The following HDAC4 variants were observed in gnomAD, a reference collection of about 807,000 sequenced individuals.
HDAC4 encodes the protein histone deacetylase A.
In HDAC4, 16 loss-of-function variants were observed where a neutral mutation model predicts 135.1. The observed-to-expected ratio is 0.12, with a 90% CI of 0.08 to 0.18. The LOEUF (loss-of-function observed/expected upper bound fraction) is 0.18. HDAC4 is among the 10% of genes least tolerant of loss of function. The pLI is 1.00. For synonymous variants in HDAC4, 685 were observed against 653.4 expected, an observed-to-expected ratio of 1.05 and a Z score of -0.74; for missense variants, 1,143 against 1,511.8, an observed-to-expected ratio of 0.76 and a Z score of 4.05.
chr2:239,279,220 G>T (rs1253453252), intron 2 of HDAC4, among the ~76,000 whole-genome samples: 2 of 152,190 alleles, frequency 1.3e-5, no homozygotes, highest in Non-Finnish European at 2.9e-5. Context: ...GGAGACTCTG[G>T]GCTGCTAAGA....
At position 239,061,559 on chromosome 2, in the gene HDAC4, G is replaced by A. The variant is rs1035156899; in HGVS notation, c.3003+5163C>T. On this transcript the variant is annotated intron_variant, in intron 24 of 26. Coordinates refer to ENST00000543185, the MANE Select transcript of HDAC4 (RefSeq NM_001378414.1). Reference sequence around the variant, plus strand: ...GTGGTGTGCATGAGCAAGGATGCACGTGCATGTGAGACTGTGGTGCCTATG... The same window carrying A: ...GTGGTGTGCATGAGCAAGGATGCACATGCATGTGAGACTGTGGTGCCTATG... Among the ~76,000 whole-genome samples the A allele has an allele frequency of 2.6e-5, 4 of 152,040 alleles. No homozygotes were observed. In the South Asian group the frequency reaches 6.2e-4, roughly 24 times the overall value.
intron 2 of HDAC4, among the ~76,000 whole-genome samples, chr2:239,289,205 C>T (rs1441412520): frequency 1.3e-5 from 2 of 152,176 alleles, no homozygotes; most frequent in East Asian, 3.9e-4. Flanking sequence ...CCCTGCACCC[C>T]ACACAAAAAC....
At chr2:239,053,759 C>T (rs2031285777) in intron 25 of HDAC4, among the ~76,000 whole-genome samples, 158 bp from the exon 26 acceptor site, 1 of 152,188 alleles carries the variant, frequency 6.6e-6, no homozygotes, top group African/African-American at 2.4e-5. Flanking sequence ...CAGAAGACTG[C>T]ATGGCTACAA....
chr2:239,282,473 ACAC>A (rs2050842453), intron 2 of HDAC4, among the ~76,000 whole-genome samples: 3 of 150,296 alleles, frequency 2.0e-5, no homozygotes, highest in African/African-American at 2.4e-5. Flanking sequence ...CTCAATGTAC[ACAC>A]CACTCTACAC....
chr2:239,247,381 C>T (rs7573680), intron 2 of HDAC4, among the ~76,000 whole-genome samples: 51,272 of 152,174 alleles, frequency 0.34, 10,285 homozygotes, highest in African/African-American at 0.55. Flanking sequence ...GTGGAATATC[C>T]CCCCTGTCGA....
intron 24 of HDAC4, among the ~76,000 whole-genome samples, chr2:239,064,549 T>TG (rs1284795918): frequency 1.2e-4 from 19 of 152,052 alleles, no homozygotes. Context: ...CCTAGAAAGG[T>TG]GGGGGTCTTG....
At chr2:239,162,096 C>G (rs778937082) in intron 6 of HDAC4, 7 of 456,546 alleles carry the variant, frequency 1.5e-5, no homozygotes, top group Non-Finnish European at 2.6e-5. Flanking sequence ...GGGGGCTGCC[C>G]TGTGCTCACC....
chr2:239,354,664 A>G (rs1199657505), intron 1 of HDAC4, among the ~76,000 whole-genome samples: 1 of 140,718 alleles, frequency 7.1e-6, no homozygotes, highest in Admixed American at 8.0e-5. Flanking sequence ...AAGGCTGGCT[A>G]TCTAGATGCT....
chr2:239,270,973 AC>A (rs1248538049), intron 2 of HDAC4, among the ~76,000 whole-genome samples: 1 of 152,242 alleles, frequency 6.6e-6, no homozygotes, highest in African/African-American at 2.4e-5. Flanking sequence ...CTAATTAGTT[AC>A]AAATCTCTGA....
At position 239,313,515 on chromosome 2, in the gene HDAC4, C is replaced by T. The variant is rs552051233; in HGVS notation, c.22+39163G>A. Among the ~76,000 whole-genome samples the T allele has an allele frequency of 5.3e-5, 8 of 152,230 alleles. No homozygotes were observed. The highest frequency in any genetic ancestry group is 4.2e-4 in the South Asian group (2 of 4,812). On this transcript the variant is annotated intron_variant, in intron 2 of 26. Coordinates refer to ENST00000543185, the MANE Select transcript of HDAC4 (RefSeq NM_001378414.1). The surrounding 1 kb of genome is among the most constrained non-coding windows in gnomAD (Gnocchi z 5.1). ...GCAGGCTGGACTCTTCCTAACCTCA[C>T]GAGAGGTGATGACCGGAATCATCCC...
At chr2:239,162,615 T>A (rs2042880363) in intron 6 of HDAC4, among the ~76,000 whole-genome samples, 1 of 152,200 alleles carries the variant, frequency 6.6e-6, no homozygotes, top group Non-Finnish European at 1.5e-5. Context: ...GTCACTGCTG[T>A]CACGTGCTGC....
At chr2:239,135,220 C>T (rs539332037) in intron 9 of HDAC4, among the ~76,000 whole-genome samples, 2 of 152,116 alleles carry the variant, frequency 1.3e-5, no homozygotes, top group East Asian at 3.9e-4. Flanking sequence ...TCTCATGTAC[C>T]CCACAAATAT....
At chr2:239,355,821 T>TTATATA (rs1395633024) in intron 1 of HDAC4, among the ~76,000 whole-genome samples, 4 of 152,214 alleles carry the variant, frequency 2.6e-5, no homozygotes, top group Admixed American at 6.5e-5. Flanking sequence ...TACTGGTCAA[T>TTATATA]TATGCTTCTC....
At chr2:239,373,500 ACT>A (rs1288052320) in intron 1 of HDAC4, among the ~76,000 whole-genome samples, 1 of 151,788 alleles carries the variant, frequency 6.6e-6, no homozygotes, top group Admixed American at 6.6e-5. Context: ...ACAGAGTCTC[ACT>A]CTGTCGCCCA....
rs79242509 is a variant in HDAC4 at position 239,220,435 on chromosome 2, A to G, written c.94+16158T>C. ...TTAAAGCATACACTGTGCACTGAAA[A>G]AGAGGAAGAAGATAATAAAGATGAA... is the stretch of plus-strand genomic sequence containing the variant. On this transcript the variant is annotated intron_variant, in intron 3 of 26. Coordinates refer to ENST00000543185, the MANE Select transcript of HDAC4 (RefSeq NM_001378414.1). Among the ~76,000 whole-genome samples, 1,155 of 152,324 alleles carry G rather than the reference A, an allele frequency of 7.6e-3. 15 individuals are homozygous for G. Among genetic ancestry groups the G allele is most frequent in the African/African-American group, 0.027 (1,109 of 41,560 alleles).
At chr2:239,180,116 G>A (rs945391278) in intron 4 of HDAC4, among the ~76,000 whole-genome samples, 5 of 152,122 alleles carry the variant, frequency 3.3e-5, no homozygotes, top group Non-Finnish European at 7.4e-5. Context: ...TGAGAGGCCC[G>A]AGCCGACTGG....
At chr2:239,079,334 G>A (rs2035068799) in intron 22 of HDAC4, among the ~76,000 whole-genome samples, 1 of 152,244 alleles carries the variant, frequency 6.6e-6, no homozygotes, top group Non-Finnish European at 1.5e-5. Flanking sequence ...GTACAGATCA[G>A]GGCAGGTCCA....
At chr2:239,373,888 T>C (rs1694809526) in intron 1 of HDAC4, among the ~76,000 whole-genome samples, 2 of 152,210 alleles carry the variant, frequency 1.3e-5, no homozygotes, top group African/African-American at 2.4e-5. Context: ...CCAATTGTCT[T>C]TGGAGATTTC....
At chr2:239,135,566 T>G (rs1489666296) in intron 9 of HDAC4, among the ~76,000 whole-genome samples, 2 of 152,228 alleles carry the variant, frequency 1.3e-5, no homozygotes, top group African/African-American at 4.8e-5. Flanking sequence ...ACAAATCAGT[T>G]AGTGGCACCC....
Sources: allele counts gnomAD v4.1 joint callset (sites outside exome capture counted in the v4.1 genomes callset), GRCh38; gene constraint gnomAD v4.1.1; non-coding constraint Gnocchi (gnomAD v3.1); transcripts MANE v1.5; gene names NCBI Gene and HGNC (gene_info 2026-07-23, HGNC 2026-07-21).